ZNF148: variants seen among roughly 807,000 people sequenced by gnomAD.
ZNF148 encodes zinc finger protein 148.
Under a neutral mutation model 67.7 loss-of-function variants are expected in ZNF148, and 7 were observed. That is an observed-to-expected ratio of 0.10 (90% confidence interval 0.06 to 0.19). The LOEUF (loss-of-function observed/expected upper bound fraction) is 0.19, where lower values mean the gene tolerates loss of function less well. ZNF148 is among the 10% of genes least tolerant of loss of function. The probability of loss-of-function intolerance (pLI) is 1.00; values close to 1 mark genes in which losing one functional copy is unlikely to be tolerated. For missense variants in ZNF148, 583 were observed against 947.1 expected (o/e 0.62, Z 5.05); for synonymous variants, 333 against 330.7 (o/e 1.01, Z -0.08).
chr3:125,347,796 C>G (rs1023479263), intron 1 of ZNF148, among the ~76,000 whole-genome samples: 1 of 152,094 alleles, frequency 6.6e-6, no homozygotes, highest in Non-Finnish European at 1.5e-5. Context: ...TCCCAAACAG[C>G]TGAGACTACA....
At chr3:125,241,324 T>C (rs1936348333) in intron 7 of ZNF148, among the ~76,000 whole-genome samples, 1 of 151,282 alleles carries the variant, frequency 6.6e-6, no homozygotes, top group Non-Finnish European at 1.5e-5. Context: ...TTTCTTTTTT[T>C]TTTTTTTTAA....
intron 7 of ZNF148, among the ~76,000 whole-genome samples, chr3:125,242,388 A>T (rs958640036): frequency 1.3e-5 from 2 of 152,218 alleles, no homozygotes; most frequent in African/African-American, 4.8e-5. Context: ...TTGGAGGCCG[A>T]GGCAGGTGGA....
At chr3:125,234,664 A>G (rs1281750104) in intron 7 of ZNF148, among the ~76,000 whole-genome samples, 1 of 152,208 alleles carries the variant, frequency 6.6e-6, no homozygotes, top group African/African-American at 2.4e-5. Flanking sequence ...ATATTGTATA[A>G]CAGTAAAAAA....
intron 4 of ZNF148, among the ~76,000 whole-genome samples, chr3:125,295,942 T>G (rs1456515255): frequency 6.6e-6 from 1 of 152,074 alleles, no homozygotes; most frequent in African/African-American, 2.4e-5. Flanking sequence ...ATCATACAAT[T>G]AATAGGTGTG....
intron 4 of ZNF148, among the ~76,000 whole-genome samples, chr3:125,294,282 G>T (rs1241895155): frequency 6.6e-6 from 1 of 152,150 alleles, no homozygotes; most frequent in East Asian, 1.9e-4. Flanking sequence ...ATGAAATGTG[G>T]GTCCTGAATT....
intron 1 of ZNF148, among the ~76,000 whole-genome samples, chr3:125,358,157 C>CA (rs1258833462): frequency 6.6e-6 from 1 of 151,962 alleles, no homozygotes; most frequent in Non-Finnish European, 1.5e-5. Context: ...ACTAAAAATA[C>CA]AAAAAATTAG....
At chr3:125,237,117 T>C (rs1397605304) in intron 7 of ZNF148, among the ~76,000 whole-genome samples, 1 of 152,104 alleles carries the variant, frequency 6.6e-6, no homozygotes. Context: ...GGAGACTGAA[T>C]TGACTGAAGG....
At chr3:125,309,980 T>G (rs1940110232) in intron 4 of ZNF148, among the ~76,000 whole-genome samples, 1 of 152,082 alleles carries the variant, frequency 6.6e-6, no homozygotes, top group Non-Finnish European at 1.5e-5. Context: ...ACAACAGAAT[T>G]AAACTACAAC....
intron 5 of ZNF148, among the ~76,000 whole-genome samples, chr3:125,285,587 T>C (rs1275966062): frequency 6.6e-6 from 1 of 151,390 alleles, no homozygotes; most frequent in Non-Finnish European, 1.5e-5. Context: ...AGAGACAGGG[T>C]TCCACAATGT....
chr3:125,254,809 G>T (rs1007096324), intron 7 of ZNF148, among the ~76,000 whole-genome samples: 2 of 151,956 alleles, frequency 1.3e-5, no homozygotes, highest in Admixed American at 1.3e-4. Flanking sequence ...CTCTTTACAT[G>T]AAAGTATTTA....
intron 7 of ZNF148, among the ~76,000 whole-genome samples, chr3:125,256,231 G>A (rs757657000): frequency 8.5e-5 from 13 of 152,072 alleles, no homozygotes; most frequent in Non-Finnish European, 1.6e-4. Context: ...AGCCGGGCAC[G>A]GTGGCAGGTG....
intron 7 of ZNF148, among the ~76,000 whole-genome samples, chr3:125,267,320 A>G (rs1156353523): frequency 6.6e-6 from 1 of 152,138 alleles, no homozygotes; most frequent in Non-Finnish European, 1.5e-5. Flanking sequence ...AAAAATCCTG[A>G]ACAAAATACT....
chr3:125,236,850 A>G (rs1412565386), intron 7 of ZNF148, among the ~76,000 whole-genome samples: 1 of 152,214 alleles, frequency 6.6e-6, no homozygotes, highest in Non-Finnish European at 1.5e-5. Context: ...TAAGGGTTCC[A>G]AAGATTCAGA....
At chr3:125,315,571 T>C (rs896493375) in intron 3 of ZNF148, among the ~76,000 whole-genome samples, 1 of 151,770 alleles carries the variant, frequency 6.6e-6, no homozygotes, top group Non-Finnish European at 1.5e-5. Flanking sequence ...TAGCTGGGCA[T>C]GATGGTGCAT....
intron 1 of ZNF148, among the ~76,000 whole-genome samples, chr3:125,369,439 G>T (rs1942809391): frequency 8.3e-6 from 1 of 121,022 alleles, no homozygotes; most frequent in Non-Finnish European, 1.7e-5. Context: ...TGAACTCCTA[G>T]CAAACAGGGA....
At position 125,233,483 on chromosome 3, in the gene ZNF148, A is replaced by G. The variant is rs762531290; in HGVS notation, c.1243T>C (p.Ser415Pro). 1 of 1,613,884 alleles carries G rather than the reference A, an allele frequency of 6.2e-7. No individual in the cohort carries two copies. Among genetic ancestry groups the G allele is most frequent in the South Asian group, 1.1e-5 (1 of 91,070 alleles). ...GAAACTTTGCTCTCTTCATATGTGGATAAAGGTGAAATTGTTTGATTTTGC... is the reference window on the plus strand; with the variant it reads ...GAAACTTTGCTCTCTTCATATGTGGGTAAAGGTGAAATTGTTTGATTTTGC... ...LEQNQTISPL[S>P]TYEESKVSKY... Residue 415 changes from serine to proline, a missense_variant, in exon 9 of 9, where the codon TCC becomes CCC. Transcript: ENST00000360647. This position sits in a 1 kb window ranked among gnomAD's most constrained non-coding sequence, Gnocchi z 5.1.
At chr3:125,328,260 C>G (rs1375579199) in intron 2 of ZNF148, among the ~76,000 whole-genome samples, 1 of 152,100 alleles carries the variant, frequency 6.6e-6, no homozygotes, top group Non-Finnish European at 1.5e-5. Flanking sequence ...AAATCTAACA[C>G]AGAACTGTTC....
chr3:125,329,709 C>T (rs1308965258), intron 2 of ZNF148, among the ~76,000 whole-genome samples: 1 of 151,054 alleles, frequency 6.6e-6, no homozygotes, highest in Non-Finnish European at 1.5e-5. Context: ...TTCACTACAT[C>T]ATCATTTATA....
chr3:125,317,660 T>TGTAGAGAGAGAGAGAGAGAGAG (rs1940569591), intron 3 of ZNF148, among the ~76,000 whole-genome samples: 2 of 62,124 alleles, frequency 3.2e-5, no homozygotes, highest in African/African-American at 6.5e-5. Context: ...TATATATATA[T>TGTAGAGAGAGAGAGAGAGAGAG]ATAGAGAGAG....
Sources: gnomAD v4.1 joint callset for allele counts (sites outside exome capture counted in the v4.1 genomes callset) on GRCh38, gnomAD v4.1.1 for gene constraint, Gnocchi (gnomAD v3.1) non-coding constraint, MANE v1.5 for transcripts, NCBI Gene and HGNC (gene_info 2026-07-23, HGNC 2026-07-21) for gene names.